SPAG16: variants seen among roughly 807,000 people sequenced by gnomAD.
SPAG16 encodes sperm associated antigen 16.
A neutral mutation model predicts 80.4 loss-of-function variants in SPAG16; 86 were observed. The ratio of observed to expected loss-of-function variants is 1.07; its 90% CI spans 0.90 to 1.28. The LOEUF (loss-of-function observed/expected upper bound fraction) is 1.28, where lower values mean the gene tolerates loss of function less well. Ranked by LOEUF, SPAG16 falls within the 50% of genes most tolerant of loss-of-function variation. The pLI is 0.00. For missense variants in SPAG16, 870 were observed against 765.3 expected (o/e 1.14, Z -1.61); for synonymous variants, 294 against 265.9 (o/e 1.11, Z -1.03).
intron 10 of SPAG16, among the ~76,000 whole-genome samples, chr2:213,759,297 G>C (rs1428446881): frequency 6.6e-6 from 1 of 151,742 alleles, no homozygotes; most frequent in African/African-American, 2.4e-5. Flanking sequence ...CTTTTTAACT[G>C]CACTTTTCGT....
chr2:214,245,979 C>T (rs1689814691), intron 15 of SPAG16, among the ~76,000 whole-genome samples: 1 of 152,144 alleles, frequency 6.6e-6, no homozygotes, highest in Admixed American at 6.6e-5. Flanking sequence ...AATGTAAAGA[C>T]AGATTTCTAG....
chr2:214,059,228 A>G (rs1402619794), intron 13 of SPAG16, among the ~76,000 whole-genome samples: 7 of 117,688 alleles, frequency 5.9e-5, no homozygotes, highest in South Asian at 5.6e-4. Context: ...ATGTGTATAT[A>G]TATATATATA....
chr2:214,175,223 G>GTATATATATATATAAAGAAATGTA (rs2057030978), intron 15 of SPAG16, among the ~76,000 whole-genome samples: 1 of 110,350 alleles, frequency 9.1e-6, no homozygotes, highest in Non-Finnish European at 2.2e-5. Context: ...AGAAATGTGT[G>GTATATATATATATAAAGAAATGTA]TATATATATA....
chr2:213,577,477 T>C (rs1446779979), intron 10 of SPAG16, among the ~76,000 whole-genome samples: 2 of 152,076 alleles, frequency 1.3e-5, no homozygotes, highest in African/African-American at 4.8e-5. Context: ...CTAATCCTCT[T>C]CCCTCCGTTT....
chr2:213,939,693 A>G (rs1233457774), intron 12 of SPAG16, among the ~76,000 whole-genome samples: 3 of 152,142 alleles, frequency 2.0e-5, no homozygotes, highest in Non-Finnish European at 4.4e-5. Flanking sequence ...TGATGGTTCT[A>G]TTTCAGTTTA....
intron 13 of SPAG16, among the ~76,000 whole-genome samples, chr2:214,034,755 C>G (rs1377665289): frequency 1.3e-5 from 2 of 152,162 alleles, no homozygotes; most frequent in Admixed American, 6.5e-5. Flanking sequence ...CTGCAAAGCC[C>G]CATAGAGGAT....
intron 7 of SPAG16, among the ~76,000 whole-genome samples, chr2:213,359,487 G>A (rs539651135): frequency 6.6e-6 from 1 of 152,168 alleles, no homozygotes. Flanking sequence ...AATGGCAGAC[G>A]CCCCTCCTCC....
intron 12 of SPAG16, among the ~76,000 whole-genome samples, chr2:213,949,179 T>TTTTTTTTTTTGTTTTTTTTTTTTTTTG (rs1553677669): frequency 1.1e-4 from 4 of 36,242 alleles, no homozygotes; most frequent in Admixed American, 4.8e-4. Context: ...GTTTTTTTTT[T>TTTTTTTTTTTGTTTTTTTTTTTTTTTG]TTTTTTTTTT....
chr2:213,968,743 T>A (rs1401269804), intron 12 of SPAG16, among the ~76,000 whole-genome samples: 1 of 152,252 alleles, frequency 6.6e-6, no homozygotes, highest in Non-Finnish European at 1.5e-5. Flanking sequence ...TTGATTTCTA[T>A]GAATATCAGA....
intron 14 of SPAG16, among the ~76,000 whole-genome samples, chr2:214,138,029 T>C (rs190302710): frequency 6.1e-4 from 93 of 152,218 alleles, no homozygotes; most frequent in Admixed American, 2.6e-3. Flanking sequence ...CCCACTGCCT[T>C]TTTATTCTTT....
At position 213,941,718 on chromosome 2, in the gene SPAG16, C is replaced by A. The variant is rs190870879; in HGVS notation, c.1400+11573C>A. 1.9e-4 allele frequency among the ~76,000 whole-genome samples: 29 copies of A among 152,280 alleles called. No homozygotes were observed. The East Asian group carries it at 5.2e-3, about 27-fold the overall frequency. ...AATTACAACTTCTTATAAGTACATGCTTTGTGACTATACCATTAGCTTCCC... is the reference window on the plus strand; with the variant it reads ...AATTACAACTTCTTATAAGTACATGATTTGTGACTATACCATTAGCTTCCC... On this transcript the variant is annotated intron_variant, in intron 12 of 15. Transcript: ENST00000331683.
chr2:213,726,741 A>G (rs984257551), intron 10 of SPAG16, among the ~76,000 whole-genome samples: 3 of 152,338 alleles, frequency 2.0e-5, no homozygotes, highest in Middle Eastern at 3.4e-3. Flanking sequence ...TCACACTCAT[A>G]TGGATTGTTT....
At chr2:214,034,245 T>G (rs941670606) in intron 13 of SPAG16, among the ~76,000 whole-genome samples, 2 of 152,246 alleles carry the variant, frequency 1.3e-5, no homozygotes, top group African/African-American at 4.8e-5. Context: ...ATGTTAACTT[T>G]GATCACTTGG....
At chr2:214,102,772 A>C (rs1210468308) in intron 13 of SPAG16, among the ~76,000 whole-genome samples, 1 of 146,704 alleles carries the variant, frequency 6.8e-6, no homozygotes, top group Non-Finnish European at 1.5e-5. Context: ...CATAAAGCAG[A>C]AAAAGAGACC....
intron 10 of SPAG16, among the ~76,000 whole-genome samples, chr2:213,633,842 C>A (rs1311579504): frequency 1.3e-5 from 2 of 152,108 alleles, no homozygotes; most frequent in African/African-American, 4.8e-5. Context: ...AGTATCACAG[C>A]TGCTGCTCTT....
At chr2:214,371,401 G>A (rs551075158) in intron 15 of SPAG16, among the ~76,000 whole-genome samples, 19 of 151,488 alleles carry the variant, frequency 1.3e-4, no homozygotes, top group East Asian at 6.0e-4. Flanking sequence ...GCATGGTGGC[G>A]CAGGCCTGTA....
intron 9 of SPAG16, among the ~76,000 whole-genome samples, chr2:213,437,816 A>G (rs567858987): frequency 7.2e-5 from 11 of 152,172 alleles, no homozygotes; most frequent in Non-Finnish European, 1.0e-4. Flanking sequence ...CTTTCTTTCA[A>G]TGAGTAAGCA....
intron 6 of SPAG16, among the ~76,000 whole-genome samples, chr2:213,346,591 AG>A (rs2125012051): frequency 6.6e-6 from 1 of 152,246 alleles, no homozygotes; most frequent in African/African-American, 2.4e-5. Flanking sequence ...TTTAGCATGA[AG>A]GTTGTTCAAT....
At chr2:214,384,974 A>G (rs896671383) in intron 15 of SPAG16, among the ~76,000 whole-genome samples, 3 of 152,228 alleles carry the variant, frequency 2.0e-5, no homozygotes, top group Non-Finnish European at 4.4e-5. Flanking sequence ...TTTTAACATT[A>G]TATTTTCACC....
Sources: allele counts gnomAD v4.1 joint callset (sites outside exome capture counted in the v4.1 genomes callset), GRCh38; gene constraint gnomAD v4.1.1; transcripts MANE v1.5; gene names NCBI Gene and HGNC (gene_info 2026-07-23, HGNC 2026-07-21).